ATP13A2: variants seen among roughly 807,000 people sequenced by gnomAD.
ATP13A2 encodes polyamine-transporting ATPase 13A2.
In ATP13A2, 83 loss-of-function variants were observed where a neutral mutation model predicts 138.3. The ratio of observed to expected loss-of-function variants is 0.60; its 90% CI spans 0.50 to 0.72. The LOEUF is 0.72. Among genes scored for constraint, ATP13A2 ranks in the 30% least tolerant of loss-of-function variants. The pLI, the probability that ATP13A2 is intolerant of heterozygous loss-of-function variation, is 0.00. For synonymous variants in ATP13A2, 663 were observed against 699.0 expected (o/e 0.95, Z 0.81); for missense variants, 1,402 against 1,606.4 (o/e 0.87, Z 2.17).
chr1:16,987,431 G>A (rs1348600552), intron 25 of ATP13A2, among the ~76,000 whole-genome samples, 162 bp from the exon 26 acceptor site: 1 of 152,214 alleles, frequency 6.6e-6, no homozygotes. Context: ...CGGAGGAGGT[G>A]CCGCTCTTGA....
chr1:16,990,763 C>G (rs1466175604), intron 20 of ATP13A2, among the ~76,000 whole-genome samples: 2 of 152,180 alleles, frequency 1.3e-5, no homozygotes, highest in East Asian at 1.9e-4. Flanking sequence ...CTCAGGTGAT[C>G]CCCCTGCCTC....
At chr1:16,990,470 G>A (rs941242789) in intron 20 of ATP13A2, among the ~76,000 whole-genome samples, 183 bp from the exon 21 acceptor site, 2 of 152,212 alleles carry the variant, frequency 1.3e-5, no homozygotes, top group African/African-American at 2.4e-5. Flanking sequence ...AGGCATTGAA[G>A]GGTCTTAGGA....
chr1:16,986,848 G>C lies in ATP13A2; in HGVS notation c.3192C>G (p.Ala1064=). Reference sequence around the variant, plus strand: ...GGCGGAAGGGCGCCCCCTTGGACACGGCTGCAGCCAGGATGAGGTACTGGA... The same window carrying C: ...GGCGGAAGGGCGCCCCCTTGGACACCGCTGCAGCCAGGATGAGGTACTGGA... ...SSFQYLILAA[A]VSKGAPFRRP... Residue 1064 remains alanine (A), a synonymous_variant, in exon 27 of 29, where the codon GCC becomes GCG. Transcript: ENST00000326735. The surrounding 1 kb of genome is among the most constrained non-coding windows in gnomAD (Gnocchi z 6.9). 1.2e-6 allele frequency: 2 copies of C among 1,613,456 alleles called. No homozygotes were observed. The highest frequency in any genetic ancestry group is 1.7e-6 in the Non-Finnish European group (2 of 1,179,784).
chr1:17,010,624 C>A (rs962085765), intron 1 of ATP13A2, among the ~76,000 whole-genome samples: 3 of 152,194 alleles, frequency 2.0e-5, no homozygotes, highest in African/African-American at 7.2e-5. Flanking sequence ...TTCCCACAGC[C>A]ATTCCATGAA....
At chr1:16,997,639 C>T (rs1431504607) in intron 11 of ATP13A2, among the ~76,000 whole-genome samples, 3 of 152,084 alleles carry the variant, frequency 2.0e-5, no homozygotes, top group African/African-American at 4.8e-5. Flanking sequence ...GCCAGGAGTT[C>T]GGGACCAGGC....
intron 1 of ATP13A2, among the ~76,000 whole-genome samples, chr1:17,007,550 CTTTT>C (rs67484789): frequency 8.7e-5 from 7 of 80,776 alleles, no homozygotes; most frequent in African/African-American, 9.3e-5. Context: ...AAAATTTTTC[CTTTT>C]TTTTTTTTTT....
chr1:17,010,083 T>TCCCCCCCCCTTTCCCCCCTCC (rs377345453), intron 1 of ATP13A2, among the ~76,000 whole-genome samples: 1 of 136,684 alleles, frequency 7.3e-6, no homozygotes, highest in African/African-American at 2.7e-5. Context: ...GATGGAGTCT[T>TCCCCCCCCCTTTCCCCCCTCC]CCCCCCCCGT....
intron 6 of ATP13A2, 103 bp from the exon 7 acceptor site, chr1:17,002,476 C>G: frequency 7.4e-7 from 1 of 1,353,072 alleles, no homozygotes; most frequent in Admixed American, 2.0e-5. Flanking sequence ...CCCCCATCCC[C>G]GTTCTGCCAC....
chr1:16,988,612 A>AATTATT (rs948267327), intron 23 of ATP13A2, 138 bp from the exon 24 acceptor site: 2 of 790,726 alleles, frequency 2.5e-6, no homozygotes, highest in Non-Finnish European at 4.1e-6. Context: ...GAATAGATGC[A>AATTATT]ATTATTATTA....
chr1:17,004,567 C>A lies in ATP13A2; in HGVS notation c.477+125G>T. On this transcript the variant is annotated intron_variant, in intron 5 of 28. Coordinates refer to ENST00000326735, the MANE Select transcript of ATP13A2 (RefSeq NM_022089.4). This position sits in a 1 kb window ranked among gnomAD's most constrained non-coding sequence, Gnocchi z 4.1. ...GCCTGAAAGTGTAAACGTGCTCAGA[C>A]AGCATCCTGGATGTTTGGGACAACA... The A allele has an allele frequency of 6.3e-7, 1 of 1,587,788 alleles. No homozygotes were observed. Among genetic ancestry groups the A allele is most frequent in the Non-Finnish European group, 8.6e-7 (1 of 1,162,062 alleles).
At chr1:17,008,957 C>CAAAAAAA (rs59927720) in intron 1 of ATP13A2, among the ~76,000 whole-genome samples, 2 of 111,696 alleles carry the variant, frequency 1.8e-5, no homozygotes, top group African/African-American at 3.3e-5. Context: ...GAGCAAGACT[C>CAAAAAAA]AAAAAAAAAA....
chr1:16,987,342 C>A (rs569385888), intron 25 of ATP13A2, 73 bp from the exon 26 acceptor site: 7 of 1,398,432 alleles, frequency 5.0e-6, no homozygotes, highest in Non-Finnish European at 7.0e-6. Flanking sequence ...ATAGCAGAGG[C>A]CCCACCCCTG....
chr1:16,993,447 C>A (rs2077004992), intron 16 of ATP13A2, among the ~76,000 whole-genome samples, 182 bp downstream of exon 16: 1 of 152,162 alleles, frequency 6.6e-6, no homozygotes, highest in Non-Finnish European at 1.5e-5. Context: ...AGTGATCCTC[C>A]CGTCTTGGCC....
At position 17,011,761 on chromosome 1, in the gene ATP13A2, C is replaced by T. The variant is rs1231411777; in HGVS notation, c.-23G>A. 1 of 1,442,908 alleles carries T rather than the reference C, an allele frequency of 6.9e-7. No homozygotes were observed. The highest frequency in any genetic ancestry group is 9.1e-7 in the Non-Finnish European group (1 of 1,100,800). 89.4% of individuals were successfully genotyped at this position (1,442,908 alleles called of 1,614,324 possible). On this transcript the variant is annotated 5_prime_UTR_variant, in exon 1 of 29. Transcript: ENST00000326735. This position sits in a 1 kb window ranked among gnomAD's most constrained non-coding sequence, Gnocchi z 7.3. ...CATGCCGGCTCCTCGCGCTCATCGC[C>T]GGCCCCGGCGCTGCGGCCCTCGGCC...
rs561011915 is a variant in ATP13A2, at chr1:16,996,871, T to TA, written c.1195+148_1195+149insT. ...AAGATGGGAATGCTCAGACCCCAGA[T>TA]GGGGGGCAACTGGCCCGAGGTCCCA... On this transcript the variant is annotated intron_variant, in intron 12 of 28. Transcript: ENST00000326735. 246 of 994,414 alleles carry TA rather than the reference T, an allele frequency of 2.5e-4. 2 individuals are homozygous for TA. The Admixed American group carries it at 4.9e-3, about 20-fold the overall frequency. The allele number at this position is 994,414 out of a possible 1,614,324, so 61.6% of individuals were successfully genotyped here.
chr1:16,990,080 G>T (rs1339048806), intron 21 of ATP13A2, 47 bp downstream of exon 21: 1 of 1,613,704 alleles, frequency 6.2e-7, no homozygotes, highest in Non-Finnish European at 8.5e-7. Flanking sequence ...TGACACAGGG[G>T]TGGGGTCACT....
chr1:16,999,151 C>T (rs1380773370), intron 11 of ATP13A2, among the ~76,000 whole-genome samples: 10 of 151,824 alleles, frequency 6.6e-5, no homozygotes, highest in Non-Finnish European at 8.8e-5. Context: ...GAGGCTGGGG[C>T]GGGCAGATCA....
chr1:16,995,471 ATT>A lies in ATP13A2; in HGVS notation c.1542+503_1542+504del, dbSNP rs766448101. 599 of 212,814 alleles carry A rather than the reference ATT, an allele frequency of 2.8e-3. No individual in the cohort carries two copies. The highest frequency in any genetic ancestry group is 0.011 in the Middle Eastern group (6 of 536). 13.2% of individuals were successfully genotyped at this position (212,814 alleles called of 1,614,324 possible). Reference sequence around the variant, plus strand: ...CTAGGGCCCCAGGTCCCCACCAGTAATTTTTTTTTTTTTTTGAGTTTTGCTCT... The same window carrying A: ...CTAGGGCCCCAGGTCCCCACCAGTAATTTTTTTTTTTTTGAGTTTTGCTCT... On this transcript the variant is annotated intron_variant, in intron 15 of 28. Transcript: ENST00000326735. The surrounding 1 kb of genome is among the most constrained non-coding windows in gnomAD (Gnocchi z 4.1).
intron 8 of ATP13A2, 65 bp downstream of exon 8, chr1:17,001,969 A>T: frequency 1.3e-6 from 2 of 1,523,136 alleles, no homozygotes; most frequent in Non-Finnish European, 1.8e-6. Flanking sequence ...AGAGGAGGCA[A>T]GCCCTGGGCC....
Sources: allele counts gnomAD v4.1 joint callset (sites outside exome capture counted in the v4.1 genomes callset), GRCh38; gene constraint gnomAD v4.1.1; non-coding constraint Gnocchi (gnomAD v3.1); transcripts MANE v1.5; gene names NCBI Gene and HGNC (gene_info 2026-07-23, HGNC 2026-07-21).